COMMD10: variants seen among roughly 807,000 people sequenced by gnomAD.
The protein encoded by COMMD10 is COMM domain-containing protein 10.
Under a neutral mutation model 28.9 loss-of-function variants are expected in COMMD10, and 33 were observed. That is an observed-to-expected ratio of 1.14 (90% CI 0.87 to 1.53). COMMD10 has a LOEUF of 1.53. COMMD10 is among the 40% of genes most tolerant of loss of function. The pLI is 0.00. For missense variants in COMMD10, 310 were observed against 233.4 expected, an observed-to-expected ratio of 1.33 and a Z score of -2.14; for synonymous variants, 110 against 81.7, an observed-to-expected ratio of 1.35 and a Z score of -1.87.
At chr5:116,104,600 A>G (rs1044207302) in intron 4 of COMMD10, among the ~76,000 whole-genome samples, 2 of 151,854 alleles carry the variant, frequency 1.3e-5, no homozygotes, top group South Asian at 2.1e-4. Flanking sequence ...AACACAGACA[A>G]TTTGACTTCC....
At chr5:116,244,660 C>CAAAAAAAAAAAAAAAAAAAAAAAAATAA (rs60360733) in intron 5 of COMMD10, among the ~76,000 whole-genome samples, 2 of 79,484 alleles carry the variant, frequency 2.5e-5, no homozygotes. Context: ...AAAAAAATTA[C>CAAAAAAAAAAAAAAAAAAAAAAAAATAA]AAAAAAAAAA....
chr5:116,148,821 A>T (rs1318454110), intron 5 of COMMD10, among the ~76,000 whole-genome samples: 1 of 151,562 alleles, frequency 6.6e-6, no homozygotes, highest in Non-Finnish European at 1.5e-5. Flanking sequence ...TACATATATT[A>T]TGGGATTTGT....
At chr5:116,178,108 A>G (rs1378527022) in intron 5 of COMMD10, among the ~76,000 whole-genome samples, 2 of 152,104 alleles carry the variant, frequency 1.3e-5, no homozygotes, top group Non-Finnish European at 2.9e-5. Flanking sequence ...ATGTTTAGGT[A>G]TTTAGCTGTA....
At chr5:116,251,220 T>A (rs1750105124) in intron 5 of COMMD10, among the ~76,000 whole-genome samples, 1 of 151,938 alleles carries the variant, frequency 6.6e-6, no homozygotes, top group Non-Finnish European at 1.5e-5. Flanking sequence ...TAAGTATTTG[T>A]TCCCCATTAC....
At chr5:116,287,513 G>T (rs1289399696) in intron 5 of COMMD10, among the ~76,000 whole-genome samples, 1 of 151,662 alleles carries the variant, frequency 6.6e-6, no homozygotes, top group Non-Finnish European at 1.5e-5. Context: ...GTTGGATTCT[G>T]TTATTTTATC....
At chr5:116,167,323 C>T (rs768522484) in intron 5 of COMMD10, among the ~76,000 whole-genome samples, 4 of 151,962 alleles carry the variant, frequency 2.6e-5, no homozygotes, top group African/African-American at 9.7e-5. Flanking sequence ...TGAACAAAGC[C>T]TCCAGGAAAT....
chr5:116,226,488 A>G (rs1749397610), intron 5 of COMMD10, among the ~76,000 whole-genome samples: 1 of 148,598 alleles, frequency 6.7e-6, no homozygotes, highest in African/African-American at 2.5e-5. Flanking sequence ...TGTTAATTAC[A>G]TGTGTGTCTC....
chr5:116,214,440 A>T (rs1056920362), intron 5 of COMMD10, among the ~76,000 whole-genome samples: 3 of 152,150 alleles, frequency 2.0e-5, no homozygotes, highest in African/African-American at 7.2e-5. Flanking sequence ...AATAAAAATA[A>T]TAGAATAAAC....
intron 5 of COMMD10, among the ~76,000 whole-genome samples, chr5:116,215,009 G>A (rs764945375): frequency 2.0e-5 from 3 of 152,052 alleles, no homozygotes; most frequent in South Asian, 2.1e-4. Context: ...TATGCAAATA[G>A]AGGATTTTCA....
At chr5:116,258,224 C>T (rs1368684560) in intron 5 of COMMD10, among the ~76,000 whole-genome samples, 1 of 151,702 alleles carries the variant, frequency 6.6e-6, no homozygotes. Flanking sequence ...TTTCAATACT[C>T]TTTTCTAACA....
intron 5 of COMMD10, among the ~76,000 whole-genome samples, chr5:116,246,499 A>T (rs1459588196): frequency 6.6e-6 from 1 of 152,122 alleles, no homozygotes; most frequent in Non-Finnish European, 1.5e-5. Context: ...CTTAAAGTTC[A>T]TCTGGAACCA....
intron 2 of COMMD10, among the ~76,000 whole-genome samples, chr5:116,089,624 A>C (rs976367722): frequency 1.3e-5 from 2 of 152,162 alleles, no homozygotes; most frequent in Admixed American, 6.5e-5. Flanking sequence ...TCTATCTTAG[A>C]GTTAACTGAG....
At chr5:116,135,806 A>G (rs1283927465) in intron 5 of COMMD10, among the ~76,000 whole-genome samples, 2 of 152,084 alleles carry the variant, frequency 1.3e-5, no homozygotes, top group African/African-American at 4.8e-5. Flanking sequence ...CTCCACTGGG[A>G]GTTTTGGAAT....
chr5:116,116,969 A>G (rs1314919695), intron 4 of COMMD10, among the ~76,000 whole-genome samples: 1 of 152,142 alleles, frequency 6.6e-6, no homozygotes, highest in African/African-American at 2.4e-5. Flanking sequence ...TTTCAACCTC[A>G]TCCTCACTTT....
chr5:116,280,884 CAGTA>C (rs1408326584), intron 5 of COMMD10, among the ~76,000 whole-genome samples: 3 of 151,798 alleles, frequency 2.0e-5, no homozygotes, highest in Admixed American at 6.6e-5. Context: ...TAAACTCATT[CAGTA>C]AGACTTGAAA....
At chr5:116,220,532 T>A (rs1749223001) in intron 5 of COMMD10, among the ~76,000 whole-genome samples, 1 of 152,144 alleles carries the variant, frequency 6.6e-6, no homozygotes, top group Non-Finnish European at 1.5e-5. Context: ...CTGAGGTTGG[T>A]AGCCTTGGAC....
At chr5:116,271,551 A>G (rs563903424) in intron 5 of COMMD10, among the ~76,000 whole-genome samples, 4 of 151,838 alleles carry the variant, frequency 2.6e-5, no homozygotes, top group African/African-American at 9.7e-5. Context: ...GACTGAGAGC[A>G]TGACGACTAA....
At chr5:116,211,151 T>G (rs1748953495) in intron 5 of COMMD10, among the ~76,000 whole-genome samples, 1 of 152,128 alleles carries the variant, frequency 6.6e-6, no homozygotes, top group African/African-American at 2.4e-5. Context: ...TAATTATGTT[T>G]ATGTGTGTGT....
intron 5 of COMMD10, among the ~76,000 whole-genome samples, chr5:116,260,839 G>A (rs1352183601): frequency 6.6e-6 from 1 of 151,738 alleles, no homozygotes; most frequent in African/African-American, 2.4e-5. Context: ...ATGTTTAAAA[G>A]AGAGTAAGAA....
Sources: allele counts gnomAD v4.1 joint callset (sites outside exome capture counted in the v4.1 genomes callset), GRCh38; gene constraint gnomAD v4.1.1; transcripts MANE v1.5; gene names NCBI Gene and HGNC (gene_info 2026-07-23, HGNC 2026-07-21).